COL28A1: variants seen among roughly 807,000 people sequenced by gnomAD.
COL28A1 encodes the protein collagen type XXVIII alpha 1 chain, also known as collagen alpha-1(XXVIII) chain.
Under a neutral mutation model 150.2 loss-of-function variants are expected in COL28A1, and 161 were observed. That is an observed-to-expected ratio of 1.07 (90% CI 0.94 to 1.22). The LOEUF is 1.22. Ranked by LOEUF, COL28A1 falls within the 50% of genes most tolerant of loss-of-function variation. The pLI is 0.00. For synonymous variants in COL28A1, 552 were observed against 469.7 expected (o/e 1.18, Z -2.26); for missense variants, 1,617 against 1,388.3 (o/e 1.16, Z -2.62).
chr7:7,430,794 G>T (rs1218245943), intron 25 of COL28A1, among the ~76,000 whole-genome samples: 1 of 151,948 alleles, frequency 6.6e-6, no homozygotes, highest in African/African-American at 2.4e-5. Flanking sequence ...ATGCCTTAAA[G>T]AAAAAAGAAT....
At chr7:7,346,386 A>G in the COL28A1 span, among the ~76,000 whole-genome samples, 14 of 152,110 alleles carry the variant, frequency 9.2e-5, no homozygotes, top group African/African-American at 3.4e-4. Context: ...GTGTATTAAT[A>G]AGAATCTATA....
chr7:7,498,188 A>G (rs770071801), intron 11 of COL28A1, among the ~76,000 whole-genome samples: 1 of 152,160 alleles, frequency 6.6e-6, no homozygotes, highest in Non-Finnish European at 1.5e-5. Flanking sequence ...CTAATAGGAA[A>G]GTCATACTTC....
intron 14 of COL28A1, among the ~76,000 whole-genome samples, chr7:7,475,212 T>G (rs1788765859): frequency 6.6e-6 from 1 of 152,200 alleles, no homozygotes; most frequent in African/African-American, 2.4e-5. Flanking sequence ...AGTGAACAGC[T>G]CTGTCCTTAA....
intron 27 of COL28A1, among the ~76,000 whole-genome samples, chr7:7,394,086 G>C (rs545452915): frequency 8.5e-5 from 13 of 152,266 alleles, no homozygotes; most frequent in Non-Finnish European, 1.2e-4. Context: ...GGACTCTCCC[G>C]GTCTGTGGGC....
At chr7:7,398,522 C>G (rs1171905965) in intron 27 of COL28A1, among the ~76,000 whole-genome samples, 1 of 152,186 alleles carries the variant, frequency 6.6e-6, no homozygotes, top group Non-Finnish European at 1.5e-5. Flanking sequence ...GTCCTGTTTT[C>G]TGACAATGAA....
intron 11 of COL28A1, among the ~76,000 whole-genome samples, chr7:7,491,327 G>T (rs1286745102): frequency 6.6e-6 from 1 of 152,170 alleles, no homozygotes; most frequent in Non-Finnish European, 1.5e-5. Context: ...GGATGCAAAG[G>T]AGAAAACTGC....
At chr7:7,410,069 A>G (rs1562572903) in intron 27 of COL28A1, among the ~76,000 whole-genome samples, 1 of 152,170 alleles carries the variant, frequency 6.6e-6, no homozygotes, top group Non-Finnish European at 1.5e-5. Flanking sequence ...ACTGGCTTGA[A>G]GGAATGAAAG....
chr7:7,395,435 T>C (rs1782781669), intron 27 of COL28A1, among the ~76,000 whole-genome samples: 1 of 152,244 alleles, frequency 6.6e-6, no homozygotes, highest in Non-Finnish European at 1.5e-5. Flanking sequence ...TTCTTCCTTA[T>C]CATTTTCCAA....
chr7:7,509,772 G>T (rs1781021777), intron 9 of COL28A1, among the ~76,000 whole-genome samples: 1 of 151,906 alleles, frequency 6.6e-6, no homozygotes, highest in South Asian at 2.1e-4. Context: ...GGTATTCTTT[G>T]ACTTTCATTT....
At chr7:7,441,667 C>G (rs1042866599) in intron 20 of COL28A1, among the ~76,000 whole-genome samples, 1 of 152,188 alleles carries the variant, frequency 6.6e-6, no homozygotes, top group Non-Finnish European at 1.5e-5. Flanking sequence ...GGGCCCTCCA[C>G]CCAGAGTTTC....
intron 1 of COL28A1, among the ~76,000 whole-genome samples, chr7:7,533,922 A>G (rs192434025): frequency 1.1e-4 from 16 of 152,270 alleles, no homozygotes; most frequent in Admixed American, 9.2e-4. Flanking sequence ...GGAGTTCTGG[A>G]AAAGGAATCA....
At chr7:7,422,512 C>T (rs999606194) in intron 25 of COL28A1, among the ~76,000 whole-genome samples, 16 of 152,016 alleles carry the variant, frequency 1.1e-4, no homozygotes, top group African/African-American at 3.6e-4. Flanking sequence ...ACCTGTACTC[C>T]CAGCTACTGG....
intron 33 of COL28A1, among the ~76,000 whole-genome samples, chr7:7,370,218 G>A (rs1323212990): frequency 6.6e-6 from 1 of 152,158 alleles, no homozygotes; most frequent in Non-Finnish European, 1.5e-5. Context: ...CTCCCTCACA[G>A]TCCTCACTCA....
intron 25 of COL28A1, among the ~76,000 whole-genome samples, chr7:7,430,220 G>A (rs750150526): frequency 4.6e-4 from 70 of 152,148 alleles, no homozygotes; most frequent in African/African-American, 1.4e-3. Flanking sequence ...TCCGCCTCCC[G>A]GGTTCAAGCA....
Position 7,357,902 on chromosome 7 carries a change from A to G in COL28A1, c.*731T>C, listed in dbSNP as rs780714413. On this transcript the variant is annotated 3_prime_UTR_variant, in exon 35 of 35. Coordinates refer to ENST00000399429, the MANE Select transcript of COL28A1 (RefSeq NM_001037763.3). Reference sequence around the variant, plus strand: ...GTTCCTGGCTGTCAAGGGCCTTCCCATTCCACTCCATAAAATGGAAGGGCC... The same window carrying G: ...GTTCCTGGCTGTCAAGGGCCTTCCCGTTCCACTCCATAAAATGGAAGGGCC... 1.3e-5 allele frequency: 2 copies of G among 152,160 alleles called. No individual in the cohort carries two copies. The highest frequency in any genetic ancestry group is 1.3e-4 in the Admixed American group (2 of 15,270). The allele number at this position is 152,160 out of a possible 1,614,324, so 9.4% of individuals were successfully genotyped here.
At chr7:7,353,085 C>T (rs1429605781), downstream of COL28A1, among the ~76,000 whole-genome samples, 1 of 152,186 alleles carries the variant, frequency 6.6e-6, no homozygotes, top group African/African-American at 2.4e-5. Flanking sequence ...GCATTAGGTA[C>T]CTGGAGAGCA....
chr7:7,504,545 C>T lies in COL28A1; in HGVS notation c.1026+1469G>A, dbSNP rs112478755. Among the ~76,000 whole-genome samples the T allele has an allele frequency of 5.7e-3, 875 of 152,184 alleles. 9 individuals carry two copies. Among genetic ancestry groups the T allele is most frequent in the African/African-American group, 0.02 (831 of 41,502 alleles). ...AGAAGAAGAAAAGGAGGAGGAGGAA[C>T]ACCTTTTTATGGACCATTCCCTACC... On this transcript the variant is annotated intron_variant, in intron 11 of 34. Coordinates refer to ENST00000399429, the MANE Select transcript of COL28A1 (RefSeq NM_001037763.3).
At chr7:7,372,034 T>C (rs368889427) in intron 32 of COL28A1, among the ~76,000 whole-genome samples, 8 of 151,762 alleles carry the variant, frequency 5.3e-5, no homozygotes, top group Non-Finnish European at 1.0e-4. Context: ...GGTTTCACCA[T>C]GCTGGCCAGG....
intron 27 of COL28A1, among the ~76,000 whole-genome samples, chr7:7,401,259 C>T (rs1374202196): frequency 6.6e-6 from 1 of 152,020 alleles, no homozygotes; most frequent in Admixed American, 6.6e-5. Flanking sequence ...GACCCAGGGC[C>T]CAGTCCTTGG....
Sources: allele counts gnomAD v4.1 joint callset (sites outside exome capture counted in the v4.1 genomes callset), GRCh38; gene constraint gnomAD v4.1.1; transcripts MANE v1.5; gene names NCBI Gene and HGNC (gene_info 2026-07-23, HGNC 2026-07-21).